Variants in SEC24B observed in about 807,000 individuals in gnomAD.
SEC24B encodes the protein SEC24 homolog B, COPII component, also known as protein transport protein Sec24B.
SEC24B carries 45 observed loss-of-function variants against 142.8 expected under a neutral mutation model. That is an observed-to-expected ratio of 0.32 (90% CI 0.25 to 0.40). The LOEUF (loss-of-function observed/expected upper bound fraction) is 0.40. Among genes scored for constraint, SEC24B ranks in the 10% least tolerant of loss-of-function variants. The pLI is 1.00. For missense variants in SEC24B, 1,409 were observed against 1,526.8 expected (o/e 0.92, Z 1.29); for synonymous variants, 574 against 568.2 (o/e 1.01, Z -0.15).
Position 109,527,337 on chromosome 4 carries a change from G to A in SEC24B, c.2981G>A (p.Arg994Lys). The A allele has an allele frequency of 6.2e-7, 1 of 1,608,218 alleles. No individual in the cohort carries two copies. The highest frequency in any genetic ancestry group is 8.5e-7 in the Non-Finnish European group (1 of 1,176,896). The change falls in exon 18 of 24, where the codon AGA becomes AAA. Residue 994 changes from arginine (R) to lysine (K), a missense_variant. By Grantham distance (26) the Arg-to-Lys change is conservative. Transcript: ENST00000265175. ...YTSSKGERRI[R>K]VHTLCLPVVS... ...TTTTTTTTAGGTGAGCGGAGAATTA[G>A]AGTACATACACTTTGTTTGCCAGTG...
chr4:109,491,460 G>C, intron 5 of SEC24B, 53 bp downstream of exon 5: 1 of 1,359,836 alleles, frequency 7.4e-7, no homozygotes, highest in Non-Finnish European at 1.1e-6. Flanking sequence ...TTGACCATCA[G>C]TTGCCTTCAA....
At chr4:109,509,694 A>G (rs1268386502) in intron 7 of SEC24B, among the ~76,000 whole-genome samples, 1 of 151,654 alleles carries the variant, frequency 6.6e-6, no homozygotes, top group Non-Finnish European at 1.5e-5. Context: ...AAAAAAAAAA[A>G]AAAAAAAAGT....
chr4:109,533,015 T>C (rs1426508708), intron 21 of SEC24B, among the ~76,000 whole-genome samples: 3 of 152,236 alleles, frequency 2.0e-5, no homozygotes, highest in African/African-American at 7.2e-5. Flanking sequence ...TTATATATAC[T>C]TGATGAAGAG....
chr4:109,515,231 G>A (rs1260635148), intron 10 of SEC24B, among the ~76,000 whole-genome samples: 2 of 151,998 alleles, frequency 1.3e-5, no homozygotes, highest in Non-Finnish European at 2.9e-5. Flanking sequence ...CTTCCGAGTA[G>A]CTAGGACTAC....
At chr4:109,480,166 C>A (rs1021579928) in intron 3 of SEC24B, among the ~76,000 whole-genome samples, 2 of 151,980 alleles carry the variant, frequency 1.3e-5, no homozygotes, top group Admixed American at 1.3e-4. Flanking sequence ...AAGCTTCATT[C>A]ATCTACAGTT....
At chr4:109,502,090 G>A (rs906923227) in intron 6 of SEC24B, among the ~76,000 whole-genome samples, 1 of 152,170 alleles carries the variant, frequency 6.6e-6, no homozygotes, top group African/African-American at 2.4e-5. Flanking sequence ...ACATATGGAA[G>A]AAAGAAAAAG....
intron 10 of SEC24B, among the ~76,000 whole-genome samples, chr4:109,516,235 G>C (rs867824033): frequency 6.6e-5 from 10 of 152,016 alleles, no homozygotes; most frequent in African/African-American, 2.4e-4. Flanking sequence ...TAAATCATAA[G>C]CCTAATTTTT....
intron 4 of SEC24B, among the ~76,000 whole-genome samples, chr4:109,488,523 A>G (rs1192716772): frequency 1.3e-5 from 2 of 152,124 alleles, no homozygotes; most frequent in African/African-American, 4.8e-5. Flanking sequence ...GTTGATGGAC[A>G]TTTGGGTTGT....
chr4:109,484,017 C>T (rs550211595), intron 4 of SEC24B, among the ~76,000 whole-genome samples: 31 of 152,176 alleles, frequency 2.0e-4, no homozygotes, highest in Non-Finnish European at 3.7e-4. Context: ...AACCAAAATA[C>T]AGTTATCAAG....
chr4:109,482,768 G>A (rs995367479), intron 4 of SEC24B, among the ~76,000 whole-genome samples: 1 of 149,564 alleles, frequency 6.7e-6, no homozygotes, highest in Non-Finnish European at 1.5e-5. Context: ...CTCCCACATA[G>A]CTGAGACTAC....
intron 9 of SEC24B, among the ~76,000 whole-genome samples, chr4:109,512,837 T>C (rs887899177): frequency 1.3e-5 from 2 of 151,890 alleles, no homozygotes; most frequent in African/African-American, 4.8e-5. Flanking sequence ...AATTTTTGTA[T>C]TTTTGGTAGA....
At chr4:109,478,356 T>C (rs1306070059) in intron 3 of SEC24B, among the ~76,000 whole-genome samples, 1 of 152,064 alleles carries the variant, frequency 6.6e-6, no homozygotes, top group African/African-American at 2.4e-5. Flanking sequence ...TTCTTTTTTT[T>C]CTAATGATGT....
At chr4:109,479,257 C>T (rs1308544577) in intron 3 of SEC24B, among the ~76,000 whole-genome samples, 1 of 152,138 alleles carries the variant, frequency 6.6e-6, no homozygotes, top group Non-Finnish European at 1.5e-5. Context: ...ACCTTGGAAG[C>T]TCTGGTTAAG....
At chr4:109,474,541 C>T (rs1489284325) in intron 3 of SEC24B, among the ~76,000 whole-genome samples, 1 of 151,762 alleles carries the variant, frequency 6.6e-6, no homozygotes, top group African/African-American at 2.4e-5. Context: ...TCTCCTGTCT[C>T]AGCCTCCTGG....
At chr4:109,525,214 G>A in intron 15 of SEC24B, 132 bp from the exon 16 acceptor site, 1 of 762,732 alleles carries the variant, frequency 1.3e-6, no homozygotes, top group Non-Finnish European at 2.0e-6. Context: ...TCTCAGATTT[G>A]TATGTTCTTA....
chr4:109,488,023 AT>A (rs543779370), intron 4 of SEC24B, among the ~76,000 whole-genome samples: 2 of 151,834 alleles, frequency 1.3e-5, no homozygotes, highest in African/African-American at 4.8e-5. Context: ...TTTGGACTTT[AT>A]TTTTTTTCAA....
intron 5 of SEC24B, among the ~76,000 whole-genome samples, chr4:109,492,584 A>G (rs1735130163): frequency 6.6e-6 from 1 of 152,218 alleles, no homozygotes; most frequent in Admixed American, 6.5e-5. Context: ...GTAACCTTGG[A>G]CAAGTTTTCT....
Position 109,538,204 on chromosome 4 carries a change from A to G in SEC24B, c.3589-289A>G, listed in dbSNP as rs147337057. Among the ~76,000 whole-genome samples the G allele has an allele frequency of 6.6e-5, 10 of 152,366 alleles. No individual in the cohort carries two copies. In the East Asian group the frequency reaches 1.7e-3, roughly 26 times the overall value. On this transcript the variant is annotated intron_variant, in intron 22 of 23. Transcript: ENST00000265175. ...TAGAAGAAACATAAAGCCGCCACAC[A>G]ATACTGGTGACATGCTAATCGTTGT...
chr4:109,450,864 CT>C lies in SEC24B; in HGVS notation c.134-12035del, dbSNP rs1730010071. 5.3e-5 allele frequency: 8 copies of C among 150,812 alleles called. No individual in the cohort carries two copies. The Admixed American group carries it at 5.3e-4, about 10-fold the overall frequency. 9.3% of individuals were successfully genotyped at this position (150,812 alleles called of 1,614,324 possible). On this transcript the variant is annotated intron_variant, in intron 1 of 23. Transcript: ENST00000265175. ...TGATTAGCATGGGAATTTTGATTTC[CT>C]TAATTTCCTATTTCTGCCAGTTCAC... is the stretch of plus-strand genomic sequence containing the variant.
Sources: gnomAD v4.1 joint callset for allele counts (sites outside exome capture counted in the v4.1 genomes callset) on GRCh38, gnomAD v4.1.1 for gene constraint, MANE v1.5 for transcripts, NCBI Gene and HGNC (gene_info 2026-07-23, HGNC 2026-07-21) for gene names.